Variants in CYP2J2 observed in about 807,000 individuals in gnomAD.
CYP2J2 encodes the protein cytochrome P450 family 2 subfamily J member 2.
CYP2J2 carries 41 observed loss-of-function variants against 48.8 expected under a neutral mutation model. The ratio of observed to expected loss-of-function variants is 0.84; its 90% CI spans 0.66 to 1.09. The LOEUF (loss-of-function observed/expected upper bound fraction) is 1.09. CYP2J2 is among the 50% of genes least tolerant of loss of function. The probability of loss-of-function intolerance (pLI) is 0.00; values close to 1 mark genes in which losing one functional copy is unlikely to be tolerated. For synonymous variants in CYP2J2, 221 were observed against 227.1 expected (o/e 0.97, Z 0.24); for missense variants, 644 against 617.3 (o/e 1.04, Z -0.46).
intron 6 of CYP2J2, 126 bp from the exon 7 acceptor site, chr1:59,905,184 G>C (rs1644355235): frequency 1.0e-6 from 1 of 964,666 alleles, no homozygotes; most frequent in Non-Finnish European, 1.5e-6. Flanking sequence ...GAAATAAAAT[G>C]GTTCTTAACC....
At chr1:59,905,615 C>T (rs567010696) in intron 6 of CYP2J2, among the ~76,000 whole-genome samples, 3 of 152,348 alleles carry the variant, frequency 2.0e-5, no homozygotes, top group Admixed American at 6.5e-5. Context: ...AGGTAAGACC[C>T]ATCAGGTTGC....
chr1:59,933,713 C>G, the CYP2J2 span, among the ~76,000 whole-genome samples: 2 of 152,008 alleles, frequency 1.3e-5, no homozygotes, highest in Non-Finnish European at 2.9e-5. Context: ...AACTGCAAGA[C>G]ATCGCTAAAA....
At chr1:59,905,185 G>A in intron 6 of CYP2J2, 127 bp from the exon 7 acceptor site, 1 of 947,952 alleles carries the variant, frequency 1.1e-6, no homozygotes, top group South Asian at 1.7e-5. Flanking sequence ...AAATAAAATG[G>A]TTCTTAACCT....
At chr1:59,960,127 G>A in the CYP2J2 span, among the ~76,000 whole-genome samples, 1 of 152,168 alleles carries the variant, frequency 6.6e-6, no homozygotes, top group Non-Finnish European at 1.5e-5. Context: ...CCCAAGATAA[G>A]CACTTGAGTG....
chr1:59,954,311 C>T, the CYP2J2 span, among the ~76,000 whole-genome samples: 8 of 152,160 alleles, frequency 5.3e-5, no homozygotes, highest in Non-Finnish European at 1.0e-4. Flanking sequence ...ACTTGTTTTA[C>T]ATGTTTAAAA....
rs535369779 is a variant in CYP2J2 at position 59,924,780 on chromosome 1, T to C, written c.210+1757A>G. On this transcript the variant is annotated intron_variant, in intron 1 of 8. Transcript: ENST00000371204. ...TAAAAAACAGGAAAAACAAAATAAA[T>C]AATAAAATGGTAGACAAATCTTAAT... 6.6e-5 allele frequency among the ~76,000 whole-genome samples: 10 copies of C among 151,744 alleles called. No individual in the cohort carries two copies. The South Asian group carries it at 1.7e-3, about 25-fold the overall frequency.
chr1:59,915,086 C>T (rs1031429651), intron 2 of CYP2J2, among the ~76,000 whole-genome samples: 8 of 152,200 alleles, frequency 5.3e-5, no homozygotes, highest in African/African-American at 1.9e-4. Flanking sequence ...TTATTTGTGA[C>T]ACAGATTCCT....
At chr1:59,933,181 G>T in the CYP2J2 span, among the ~76,000 whole-genome samples, 1 of 152,176 alleles carries the variant, frequency 6.6e-6, no homozygotes, top group East Asian at 1.9e-4. Flanking sequence ...AGTTGGAAAT[G>T]TGTAGTGCCA....
chr1:59,922,099 G>A (rs1042337710), intron 1 of CYP2J2, among the ~76,000 whole-genome samples: 8 of 152,156 alleles, frequency 5.3e-5, no homozygotes, highest in African/African-American at 1.9e-4. Context: ...ACTATCTTGT[G>A]TGTATCTTTT....
At chr1:59,905,777 G>A (rs1468930991) in intron 6 of CYP2J2, among the ~76,000 whole-genome samples, 1 of 152,168 alleles carries the variant, frequency 6.6e-6, no homozygotes, top group East Asian at 1.9e-4. Flanking sequence ...TGACCAGATA[G>A]GACTGCTCCC....
chr1:59,946,796 C>T, the CYP2J2 span, among the ~76,000 whole-genome samples: 1 of 152,018 alleles, frequency 6.6e-6, no homozygotes, highest in African/African-American at 2.4e-5. Context: ...TTTACAATAG[C>T]ACCAATACAA....
At chr1:59,919,734 T>C (rs1024655717) in intron 1 of CYP2J2, among the ~76,000 whole-genome samples, 6 of 152,218 alleles carry the variant, frequency 3.9e-5, no homozygotes, top group Non-Finnish European at 8.8e-5. Flanking sequence ...GAGCTTTGCA[T>C]GCAGTTTCAG....
At chr1:59,907,238 G>A (rs1644372189) in intron 6 of CYP2J2, among the ~76,000 whole-genome samples, 1 of 152,160 alleles carries the variant, frequency 6.6e-6, no homozygotes, top group Non-Finnish European at 1.5e-5. Context: ...AGAGCTAGGA[G>A]TTTACTATGT....
chr1:59,938,383 G>C, the CYP2J2 span, among the ~76,000 whole-genome samples: 1 of 152,240 alleles, frequency 6.6e-6, no homozygotes, highest in South Asian at 2.1e-4. Context: ...TAGGAGAGCA[G>C]GGTGATAGTG....
chr1:59,904,867 T>C lies in CYP2J2; in HGVS notation c.1191+4A>G, dbSNP rs1644351577. The C allele has an allele frequency of 1.9e-6, 3 of 1,611,394 alleles. No individual in the cohort carries two copies. The highest frequency in any genetic ancestry group is 2.5e-6 in the Non-Finnish European group (3 of 1,179,116). On this transcript the variant is annotated splice_donor_region_variant and intron_variant, in intron 7 of 8. Transcript: ENST00000371204. ...AAGATGGGCTTGAAGATCTGCTTAA[T>C]TACCTTGGGCAGGTGGTACCCAGCC...
the CYP2J2 span, among the ~76,000 whole-genome samples, chr1:59,935,029 T>TATATATATATACAC: frequency 9.9e-6 from 1 of 100,918 alleles, no homozygotes; most frequent in African/African-American, 4.0e-5. Flanking sequence ...TATATATATA[T>TATATATATATACAC]ATATATATAT....
chr1:59,943,717 A>T, the CYP2J2 span, among the ~76,000 whole-genome samples: 8 of 151,836 alleles, frequency 5.3e-5, no homozygotes, highest in Non-Finnish European at 1.2e-4. Context: ...TAGGGAAAGA[A>T]GGGAAAGTCC....
the CYP2J2 span, among the ~76,000 whole-genome samples, chr1:59,932,279 T>C: frequency 6.6e-6 from 1 of 152,150 alleles, no homozygotes; most frequent in African/African-American, 2.4e-5. Flanking sequence ...TGAGATTTCA[T>C]GAAGATTTTA....
At chr1:59,944,292 G>A in the CYP2J2 span, among the ~76,000 whole-genome samples, 1,697 of 151,400 alleles carry the variant, frequency 0.011, 26 homozygotes, top group African/African-American at 0.038. Flanking sequence ...GTGTGATCTC[G>A]GCTTACTGCA....
Sources: gnomAD v4.1 joint callset for allele counts (sites outside exome capture counted in the v4.1 genomes callset) on GRCh38, gnomAD v4.1.1 for gene constraint, MANE v1.5 for transcripts, NCBI Gene and HGNC (gene_info 2026-07-23, HGNC 2026-07-21) for gene names.